The following FAM216A variants were observed in gnomAD, a reference collection of about 807,000 sequenced individuals.
FAM216A encodes the protein family with sequence similarity 216 member A, also known as protein FAM216A.
In FAM216A, 26 loss-of-function variants were observed where a neutral mutation model predicts 37.6. The ratio of observed to expected loss-of-function variants is 0.69; its 90% CI spans 0.51 to 0.96. The LOEUF is 0.96. Ranked by LOEUF, FAM216A falls within the 40% of genes least tolerant of loss-of-function variation. The pLI, the probability that FAM216A is intolerant of heterozygous loss-of-function variation, is 0.00. For missense variants in FAM216A, 326 were observed against 339.3 expected (o/e 0.96, Z 0.31); for synonymous variants, 110 against 121.7 (o/e 0.90, Z 0.64).
chr12:110,486,294 A>G, intron 3 of FAM216A, 31 bp from the exon 4 acceptor site: 7 of 1,558,190 alleles, frequency 4.5e-6, no homozygotes, highest in Non-Finnish European at 6.1e-6. Context: ...AATACAATGC[A>G]GACTATAAAT....
At chr12:110,482,769 T>C (rs2062754891) in intron 2 of FAM216A, among the ~76,000 whole-genome samples, 1 of 146,686 alleles carries the variant, frequency 6.8e-6, no homozygotes, top group Non-Finnish European at 1.5e-5. Context: ...CAATCCAGTC[T>C]GGGCAACAGA....
chr12:110,469,313 G>T, intron 1 of FAM216A: 1 of 346,718 alleles, frequency 2.9e-6, no homozygotes, highest in Non-Finnish European at 5.2e-6. Context: ...CCGAGGGGGC[G>T]CTGCGAGCCC....
At chr12:110,470,011 A>T (rs528289036) in intron 1 of FAM216A, among the ~76,000 whole-genome samples, 1 of 151,426 alleles carries the variant, frequency 6.6e-6, no homozygotes, top group South Asian at 2.1e-4. Context: ...TCCTCTCCCT[A>T]CTTTATTCCC....
rs549441677 is a variant in FAM216A, at chr12:110,486,426, C to G, written c.408C>G (p.His136Gln). 281 of 1,613,790 alleles carry G rather than the reference C, an allele frequency of 1.7e-4. 4 individuals carry two copies. The South Asian group carries it at 3.0e-3, about 17-fold the overall frequency. ...TGTTAATGAAGAGGCAGTACATGCA[C>G]GTACTTCAGCACAGCTCACAAAAGC... ...LKMLMKRQYMHVLQHSSQKPG... is the reference protein window; with the variant it reads ...LKMLMKRQYMQVLQHSSQKPG... The change falls in exon 4 of 7, where the codon CAC (histidine) becomes CAG (glutamine). Residue 136 changes from histidine (H) to glutamine (Q), a missense_variant. His to Gln is a conservative substitution (Grantham distance 24). Coordinates refer to ENST00000377673, the MANE Select transcript of FAM216A (RefSeq NM_013300.3).
In FAM216A at chr12:110,487,825, T is replaced by G. The variant is rs1290216771; in HGVS notation, c.621-36T>G. 3 of 1,303,290 alleles carry G rather than the reference T, an allele frequency of 2.3e-6. No individual in the cohort carries two copies. The Admixed American group carries it at 5.4e-5, about 24-fold the overall frequency. 80.7% of individuals were successfully genotyped at this position (1,303,290 alleles called of 1,614,324 possible). On this transcript the variant is annotated intron_variant, in intron 5 of 6. Coordinates refer to ENST00000377673, the MANE Select transcript of FAM216A (RefSeq NM_013300.3). The stretch of plus-strand genomic sequence containing the variant: ...ACATGCCCTAGGCAGCTGTTCACTT[T>G]GCTGGCTCCAACTAAGATACTTCCC...
chr12:110,471,914 A>G (rs2062688847), intron 1 of FAM216A, among the ~76,000 whole-genome samples: 4 of 152,202 alleles, frequency 2.6e-5, no homozygotes, highest in Admixed American at 2.6e-4. Flanking sequence ...TATTAGTTCT[A>G]GCACACCTTA....
rs778528230 is a variant in FAM216A, at chr12:110,474,218, AGAAAG to A, written c.184+1105_184+1109del. On this transcript the variant is annotated intron_variant, in intron 2 of 6. Coordinates refer to ENST00000377673, the MANE Select transcript of FAM216A (RefSeq NM_013300.3). Reference sequence around the variant, plus strand: ...ACTGAATTATAGTTCAGTGTAAAAAAGAAAGGAAACACAAAACAATATAATTATTA... The same window carrying A: ...ACTGAATTATAGTTCAGTGTAAAAAAGAAACACAAAACAATATAATTATTA... Among the ~76,000 whole-genome samples the A allele has an allele frequency of 1.4e-3, 209 of 152,274 alleles. 1 individual carries two copies. The highest frequency in any genetic ancestry group is 4.8e-3 in the African/African-American group (200 of 41,568).
intron 2 of FAM216A, among the ~76,000 whole-genome samples, chr12:110,477,156 G>T (rs965568475): frequency 1.3e-5 from 2 of 152,190 alleles, no homozygotes; most frequent in Non-Finnish European, 2.9e-5. Context: ...CATATCAGGA[G>T]AACCCTGCTG....
intron 2 of FAM216A, among the ~76,000 whole-genome samples, chr12:110,479,308 TTTACCTG>T (rs2062732938): frequency 2.0e-5 from 3 of 152,038 alleles, no homozygotes; most frequent in South Asian, 2.1e-4. Context: ...TGTGTGTGCA[TTTACCTG>T]TGAGCACATA....
intron 6 of FAM216A, among the ~76,000 whole-genome samples, chr12:110,488,163 A>G (rs1200776972): frequency 6.6e-6 from 1 of 152,134 alleles, no homozygotes; most frequent in Non-Finnish European, 1.5e-5. Flanking sequence ...TAATCCCAGC[A>G]CTTTGGGAGG....
chr12:110,468,526 G>A, upstream of FAM216A: 7 of 1,537,290 alleles, frequency 4.6e-6, no homozygotes, highest in Non-Finnish European at 6.1e-6. Flanking sequence ...ACGTGCTTCG[G>A]TCCGTGGTTT....
intron 2 of FAM216A, among the ~76,000 whole-genome samples, chr12:110,484,756 CT>C (rs778085355): frequency 2.5e-3 from 352 of 143,414 alleles, no homozygotes; most frequent in Middle Eastern, 3.7e-3. Context: ...ATATCTAGAT[CT>C]TTTTTTTTTT....
chr12:110,482,123 C>T (rs148958479), intron 2 of FAM216A, among the ~76,000 whole-genome samples: 2,947 of 151,784 alleles, frequency 0.019, 41 homozygotes, highest in Middle Eastern at 0.079. Context: ...ACTCTGTCAC[C>T]CAGGCTGGAG....
intron 2 of FAM216A, among the ~76,000 whole-genome samples, chr12:110,479,699 A>C (rs1428381675): frequency 6.6e-6 from 1 of 151,850 alleles, no homozygotes; most frequent in East Asian, 1.9e-4. Context: ...TTAGCTGGGC[A>C]TGGTGGCGCG....
chr12:110,471,194 A>G (rs1237313879), intron 1 of FAM216A, among the ~76,000 whole-genome samples: 1 of 151,952 alleles, frequency 6.6e-6, no homozygotes, highest in Non-Finnish European at 1.5e-5. Flanking sequence ...TCCCAGGTTC[A>G]AGCGATTCTC....
chr12:110,472,855 A>C (rs2062693881), intron 1 of FAM216A, among the ~76,000 whole-genome samples: 1 of 151,290 alleles, frequency 6.6e-6, no homozygotes, highest in African/African-American at 2.4e-5. Flanking sequence ...TAGCAGCGCT[A>C]GTCCCAGCTA....
chr12:110,485,936 C>T (rs2062774381), intron 3 of FAM216A, among the ~76,000 whole-genome samples: 1 of 152,174 alleles, frequency 6.6e-6, no homozygotes, highest in Non-Finnish European at 1.5e-5. Context: ...AATGTTTCTT[C>T]AGTTGAGACT....
chr12:110,472,026 GT>G (rs2062689505), intron 1 of FAM216A, among the ~76,000 whole-genome samples: 1 of 152,036 alleles, frequency 6.6e-6, no homozygotes, highest in African/African-American at 2.4e-5. Context: ...GAGGTCAGGA[GT>G]TTGAGACCGG....
intron 5 of FAM216A, 122 bp from the exon 6 acceptor site, chr12:110,487,739 G>C: frequency 1.5e-6 from 1 of 688,810 alleles, no homozygotes; most frequent in Admixed American, 2.7e-5. Flanking sequence ...GAGAATCTGG[G>C]TGCTGAAAGG....
Sources: gnomAD v4.1 joint callset for allele counts (sites outside exome capture counted in the v4.1 genomes callset) on GRCh38, gnomAD v4.1.1 for gene constraint, MANE v1.5 for transcripts, NCBI Gene and HGNC (gene_info 2026-07-23, HGNC 2026-07-21) for gene names.